WDR27: variants seen among roughly 807,000 people sequenced by gnomAD.
WDR27 encodes the protein WD repeat domain 27.
Under a neutral mutation model 114.4 loss-of-function variants are expected in WDR27, and 100 were observed. The observed-to-expected ratio is 0.87, with a 90% CI of 0.74 to 1.03. The LOEUF (loss-of-function observed/expected upper bound fraction) is 1.03. WDR27 is among the 50% of genes least tolerant of loss of function. The pLI is 0.00. For synonymous variants in WDR27, 449 were observed against 423.1 expected (o/e 1.06, Z -0.75); for missense variants, 1,129 against 1,092.9 (o/e 1.03, Z -0.47).
intron 25 of WDR27, among the ~76,000 whole-genome samples, chr6:169,503,888 G>A (rs1444307156): frequency 1.3e-5 from 2 of 151,936 alleles, no homozygotes; most frequent in African/African-American, 4.8e-5. Flanking sequence ...TATGTCCCTG[G>A]TGTGGTGTGC....
At position 169,688,932 on chromosome 6, in the gene WDR27, A is replaced by T. The variant is rs1250352984; in HGVS notation, c.74T>A (p.Val25Asp). ...LSDIVIEKYL[V>D]ESKESVSHVQ... is the part of the protein sequence containing the mutation. ...ATGAGACACAGACTCCTTGGATTCA[A>T]CCAGGTATTTTTCTATAACTATATC... Residue 25 changes from valine (V) to aspartate (D), a missense_variant, in exon 2 of 26, where the codon GTT (valine) becomes GAT (aspartate). Transcript: ENST00000448612. 3.7e-6 allele frequency: 6 copies of T among 1,613,890 alleles called. No individual in the cohort carries two copies. The highest frequency in any genetic ancestry group is 5.1e-6 in the Non-Finnish European group (6 of 1,179,878).
chr6:169,455,211 C>A (rs1471251464), downstream of WDR27, among the ~76,000 whole-genome samples: 1 of 152,180 alleles, frequency 6.6e-6, no homozygotes, highest in African/African-American at 2.4e-5. Context: ...TGCACGGGAG[C>A]AGTATGCCTT....
chr6:169,541,766 A>T (rs1368033987), intron 25 of WDR27, among the ~76,000 whole-genome samples: 1 of 152,220 alleles, frequency 6.6e-6, no homozygotes, highest in African/African-American at 2.4e-5. Flanking sequence ...TACTCTATCC[A>T]AGAAGTAGGC....
Position 169,602,219 on chromosome 6 carries a change from G to A in WDR27, c.2424C>T (p.His808=), listed in dbSNP as rs776557108. 23 of 1,549,478 alleles carry A rather than the reference G, an allele frequency of 1.5e-5. No individual in the cohort carries two copies. In the East Asian group the frequency reaches 2.7e-4, roughly 18 times the overall value. Residue 808 remains histidine, a splice_region_variant and synonymous_variant, in exon 23 of 26, where the codon CAC becomes CAT. Transcript: ENST00000448612. ...RFAACGAEDR[H]AYVYEMGSST... is the part of the protein sequence containing the mutation. ...TTATAGACAGTCAAACAGTACATAC[G>A]TGTCTGTCCTCGGCCCCACAAGCCG... is the stretch of plus-strand genomic sequence containing the variant.
In WDR27 at chr6:169,609,104, C is replaced by A. The variant is rs1216005313; in HGVS notation, c.2321+4455G>T. On this transcript the variant is annotated intron_variant, in intron 22 of 25. Transcript: ENST00000448612. Reference sequence around the variant, plus strand: ...TGGGTTCCCATGGTCGTGGGCAGCTCTGTCCCTGTGGCTTTGCGGAGCATA... The same window carrying A: ...TGGGTTCCCATGGTCGTGGGCAGCTATGTCCCTGTGGCTTTGCGGAGCATA... Among the ~76,000 whole-genome samples, 12 of 151,958 alleles carry A rather than the reference C, an allele frequency of 7.9e-5. 1 individual carries two copies. The East Asian group carries it at 2.3e-3, about 29-fold the overall frequency.
chr6:169,648,596 G>A (rs775198398), intron 15 of WDR27, among the ~76,000 whole-genome samples: 16 of 152,238 alleles, frequency 1.1e-4, no homozygotes, highest in African/African-American at 1.2e-4. Context: ...CAATATTGGC[G>A]CTCTGTAATG....
intron 25 of WDR27, among the ~76,000 whole-genome samples, chr6:169,532,524 C>T (rs1795719960): frequency 6.6e-6 from 1 of 152,106 alleles, no homozygotes; most frequent in Non-Finnish European, 1.5e-5. Context: ...CCTCAACTTC[C>T]TATTTTTTAT....
chr6:169,454,725 T>C (rs1784281855), downstream of WDR27, among the ~76,000 whole-genome samples: 1 of 152,232 alleles, frequency 6.6e-6, no homozygotes, highest in African/African-American at 2.4e-5. Flanking sequence ...CCATGACATG[T>C]GCCACATGAT....
intron 25 of WDR27, among the ~76,000 whole-genome samples, chr6:169,535,377 CTG>C (rs1307841891): frequency 3.9e-5 from 6 of 152,150 alleles, no homozygotes; most frequent in Admixed American, 3.9e-4. Context: ...CGACTCAAAA[CTG>C]TATTAGATTT....
chr6:169,624,219 G>T (rs935215785), intron 21 of WDR27, among the ~76,000 whole-genome samples: 1 of 149,324 alleles, frequency 6.7e-6, no homozygotes, highest in African/African-American at 2.5e-5. Context: ...CAGGTGTTCC[G>T]TGTGCGCATC....
rs560722415 is a variant in WDR27 at position 169,655,151 on chromosome 6, C to T, written c.1402+3125G>A. ...TCCGTCCTCCTGTGACCACCCAGTG[C>T]TATTCTTGTCTCACACTGGGTAAGC... On this transcript the variant is annotated intron_variant, in intron 13 of 25. Coordinates refer to ENST00000448612, the MANE Select transcript of WDR27 (RefSeq NM_182552.5). Among the ~76,000 whole-genome samples the T allele has an allele frequency of 9.8e-5, 15 of 152,374 alleles. No homozygotes were observed. The South Asian group carries it at 2.9e-3, about 29-fold the overall frequency.
At chr6:169,532,101 A>G (rs1030045347) in intron 25 of WDR27, among the ~76,000 whole-genome samples, 1 of 152,280 alleles carries the variant, frequency 6.6e-6, no homozygotes, top group South Asian at 2.1e-4. Flanking sequence ...TATACTTATC[A>G]TTGTACATTT....
At chr6:169,556,527 G>A (rs1798905566) in intron 25 of WDR27, among the ~76,000 whole-genome samples, 1 of 152,306 alleles carries the variant, frequency 6.6e-6, no homozygotes, top group South Asian at 2.1e-4. Flanking sequence ...ATCCTAGAAG[G>A]AAACACAGAA....
intron 2 of WDR27, among the ~76,000 whole-genome samples, chr6:169,686,723 A>G (rs1463493586): frequency 1.3e-5 from 2 of 152,216 alleles, no homozygotes; most frequent in African/African-American, 4.8e-5. Flanking sequence ...ACAACAGCCA[A>G]AATATGGAAT....
intron 13 of WDR27, among the ~76,000 whole-genome samples, chr6:169,654,216 A>C (rs1438299454): frequency 6.6e-6 from 1 of 152,250 alleles, no homozygotes; most frequent in Non-Finnish European, 1.5e-5. Flanking sequence ...CTGACATACA[A>C]GGCTGGTTTT....
intron 24 of WDR27, among the ~76,000 whole-genome samples, chr6:169,580,077 G>T (rs997679477): frequency 5.9e-5 from 9 of 152,214 alleles, no homozygotes; most frequent in Non-Finnish European, 8.8e-5. Flanking sequence ...CCAGTCATTA[G>T]GGGAAATGCT....
intron 25 of WDR27, among the ~76,000 whole-genome samples, chr6:169,457,994 A>AGGAGGAGGAGGG (rs1317278341): frequency 6.6e-6 from 1 of 151,060 alleles, no homozygotes; most frequent in Non-Finnish European, 1.5e-5. Flanking sequence ...GAGGAGGAGG[A>AGGAGGAGGAGGG]GGAGGAGGAG....
intron 24 of WDR27, among the ~76,000 whole-genome samples, chr6:169,575,224 A>T (rs1415521023): frequency 7.2e-6 from 1 of 139,698 alleles, no homozygotes; most frequent in South Asian, 2.3e-4. Context: ...CCATCCATCC[A>T]TCTCTCTCCC....
chr6:169,666,814 G>A (rs781625647), intron 6 of WDR27: 2 of 985,358 alleles, frequency 2.0e-6, no homozygotes, highest in Non-Finnish European at 2.4e-6. Context: ...CTGGTTCTGG[G>A]ATGTGTTTCT....
Sources: gnomAD v4.1 joint callset for allele counts (sites outside exome capture counted in the v4.1 genomes callset) on GRCh38, gnomAD v4.1.1 for gene constraint, MANE v1.5 for transcripts, NCBI Gene and HGNC (gene_info 2026-07-23, HGNC 2026-07-21) for gene names.